The following DLG2 variants were observed in gnomAD, a reference collection of about 807,000 sequenced individuals.
The protein encoded by DLG2 is discs large MAGUK scaffold protein 2.
In DLG2, 45 loss-of-function variants were observed where a neutral mutation model predicts 132.5. The observed-to-expected ratio is 0.34, with a 90% CI of 0.27 to 0.44. The LOEUF is 0.44. Among genes scored for constraint, DLG2 ranks in the 20% least tolerant of loss-of-function variants. The probability of loss-of-function intolerance (pLI) is 1.00; values close to 1 mark genes in which losing one functional copy is unlikely to be tolerated. For missense variants in DLG2, 1,045 were observed against 1,196.9 expected (o/e 0.87, Z 1.87); for synonymous variants, 424 against 419.6 (o/e 1.01, Z -0.13).
chr11:83,730,906 T>A (rs2090892073), intron 18 of DLG2, among the ~76,000 whole-genome samples: 2 of 152,214 alleles, frequency 1.3e-5, no homozygotes, highest in African/African-American at 4.8e-5. Flanking sequence ...TTTCTCAGCA[T>A]GATTATTTCC....
intron 19 of DLG2, among the ~76,000 whole-genome samples, chr11:83,557,406 G>A (rs1196594316): frequency 1.3e-5 from 2 of 152,184 alleles, no homozygotes; most frequent in Admixed American, 1.3e-4. Context: ...AAGGGAAAAT[G>A]TTCTGTAACC....
intron 3 of DLG2, among the ~76,000 whole-genome samples, chr11:85,434,529 G>C (rs1038441518): frequency 2.0e-5 from 3 of 152,088 alleles, no homozygotes; most frequent in Admixed American, 6.6e-5. Context: ...ACTACCATCA[G>C]AGAATACTAT....
chr11:85,293,582 T>C (rs907130437), intron 3 of DLG2, among the ~76,000 whole-genome samples: 6 of 152,144 alleles, frequency 3.9e-5, no homozygotes, highest in African/African-American at 1.4e-4. Context: ...TAAGACGTTC[T>C]ACTACATACT....
intron 21 of DLG2, among the ~76,000 whole-genome samples, chr11:83,499,852 G>GATATATATATATATATATAT (rs60890814): frequency 1.6e-5 from 1 of 61,624 alleles, no homozygotes; most frequent in Non-Finnish European, 3.3e-5. Context: ...ACTAATAGGA[G>GATATATATATATATATATAT]ATATATATAT....
chr11:85,200,344 G>A (rs2081373255), intron 4 of DLG2, among the ~76,000 whole-genome samples: 1 of 152,216 alleles, frequency 6.6e-6, no homozygotes, highest in Non-Finnish European at 1.5e-5. Context: ...AGTCTTGACA[G>A]TGAATCTAAG....
At chr11:84,959,475 C>T (rs2052207342) in intron 6 of DLG2, among the ~76,000 whole-genome samples, 1 of 152,144 alleles carries the variant, frequency 6.6e-6, no homozygotes, top group Non-Finnish European at 1.5e-5. Context: ...AGTATTTACA[C>T]TTGTTTGTAA....
chr11:85,394,304 T>C (rs1021782775), intron 3 of DLG2, among the ~76,000 whole-genome samples: 18 of 152,210 alleles, frequency 1.2e-4, no homozygotes, highest in Admixed American at 5.9e-4. Flanking sequence ...TATATTTCAT[T>C]TTTATTTGCC....
At chr11:85,113,002 C>A (rs1215037477) in intron 5 of DLG2, among the ~76,000 whole-genome samples, 4 of 152,010 alleles carry the variant, frequency 2.6e-5, no homozygotes, top group Non-Finnish European at 4.4e-5. Flanking sequence ...TTTAGAGCAA[C>A]TTTATTTGGT....
At chr11:85,119,116 A>G (rs1171113640) in intron 5 of DLG2, among the ~76,000 whole-genome samples, 3 of 151,980 alleles carry the variant, frequency 2.0e-5, no homozygotes, top group Non-Finnish European at 4.4e-5. Flanking sequence ...AGTACATGAA[A>G]GCGCTTAGCA....
rs1000426472 is a variant in DLG2, at chr11:84,483,293, A to G, written c.519+51277T>C. Among the ~76,000 whole-genome samples, 3 of 151,908 alleles carry G rather than the reference A, an allele frequency of 2.0e-5. No individual in the cohort carries two copies. The East Asian group carries it at 5.8e-4, about 29-fold the overall frequency. On this transcript the variant is annotated intron_variant, in intron 7 of 27. Coordinates refer to ENST00000376104, the MANE Select transcript of DLG2 (RefSeq NM_001142699.3). ...ACAAAAATACAAAAATTAGGCAGGC[A>G]TGATGGCGGGTGCCTGTAATCCCAG...
At position 83,511,584 on chromosome 11, in the gene DLG2, AATG is replaced by A. The variant is rs552384430; in HGVS notation, c.2193+21121_2193+21123del. The stretch of plus-strand genomic sequence containing the variant: ...GGGTTAGCATGGTAAATGGTTAATA[AATG>A]ATAAGTATTTTTATTATTATTAGAT... On this transcript the variant is annotated intron_variant, in intron 21 of 27. Transcript: ENST00000376104. 2.2e-3 allele frequency among the ~76,000 whole-genome samples: 330 copies of A among 152,208 alleles called. 2 individuals carry two copies. The highest frequency in any genetic ancestry group is 3.9e-3 in the African/African-American group (162 of 41,518).
At chr11:84,883,297 TG>T (rs1271502748) in intron 6 of DLG2, among the ~76,000 whole-genome samples, 1 of 148,484 alleles carries the variant, frequency 6.7e-6, no homozygotes, top group Non-Finnish European at 1.5e-5. Context: ...CCTCATACAC[TG>T]GGGCCTGTTA....
At chr11:84,273,156 T>G in intron 7 of DLG2, 1 of 1,526,770 alleles carries the variant, frequency 6.5e-7, no homozygotes, top group African/African-American at 1.4e-5. Flanking sequence ...CTTACCGGAA[T>G]AAATGCATGT....
At chr11:83,859,816 G>C (rs58643592) in intron 16 of DLG2, among the ~76,000 whole-genome samples, 1 of 152,062 alleles carries the variant, frequency 6.6e-6, no homozygotes, top group Non-Finnish European at 1.5e-5. Context: ...GGTTTAGGGG[G>C]AAAAAATGGT....
intron 7 of DLG2, chr11:84,317,452 A>G: frequency 3.2e-6 from 3 of 943,842 alleles, no homozygotes; most frequent in Non-Finnish European, 4.0e-6. Flanking sequence ...AAGACTGTAC[A>G]CTGTGTTACA....
chr11:84,680,395 C>A (rs759868308), intron 6 of DLG2, among the ~76,000 whole-genome samples: 8 of 152,100 alleles, frequency 5.3e-5, no homozygotes, highest in Non-Finnish European at 1.0e-4. Flanking sequence ...GCAATTATTG[C>A]CCCTTGGACT....
intron 6 of DLG2, among the ~76,000 whole-genome samples, chr11:84,859,035 C>A (rs2083191153): frequency 6.6e-6 from 1 of 151,564 alleles, no homozygotes; most frequent in Admixed American, 6.6e-5. Context: ...CTTTTTATAC[C>A]TTAGTTTACA....
At chr11:85,549,408 C>A (rs916869862) in intron 3 of DLG2, among the ~76,000 whole-genome samples, 2 of 152,172 alleles carry the variant, frequency 1.3e-5, no homozygotes, top group Non-Finnish European at 2.9e-5. Flanking sequence ...AGCTGCAGAC[C>A]GGAGCTGTTC....
intron 16 of DLG2, among the ~76,000 whole-genome samples, chr11:83,840,066 C>T (rs1394961163): frequency 6.6e-6 from 1 of 152,222 alleles, no homozygotes; most frequent in African/African-American, 2.4e-5. Flanking sequence ...CCCTGTGCTT[C>T]CCTGAGTTTG....
Sources: gnomAD v4.1 joint callset for allele counts (sites outside exome capture counted in the v4.1 genomes callset) on GRCh38, gnomAD v4.1.1 for gene constraint, MANE v1.5 for transcripts, NCBI Gene and HGNC (gene_info 2026-07-23, HGNC 2026-07-21) for gene names.